The following MARCHF1 variants were observed in gnomAD, a reference collection of about 807,000 sequenced individuals.
MARCHF1 encodes the protein membrane associated ring-CH-type finger 1.
MARCHF1 carries 40 observed loss-of-function variants against 54.2 expected under a neutral mutation model. The ratio of observed to expected loss-of-function variants is 0.74; its 90% CI spans 0.57 to 0.96. MARCHF1 has a LOEUF of 0.96. MARCHF1 is among the 40% of genes least tolerant of loss of function. MARCHF1 has a pLI of 0.00. For missense variants in MARCHF1, 586 were observed against 656.5 expected, an observed-to-expected ratio of 0.89 and a Z score of 1.17; for synonymous variants, 236 against 236.3, an observed-to-expected ratio of 1.00 and a Z score of 0.01.
chr4:164,106,725 C>G (rs1242574684), intron 2 of MARCHF1, among the ~76,000 whole-genome samples: 15 of 144,384 alleles, frequency 1.0e-4, no homozygotes, highest in Admixed American at 6.3e-4. Context: ...ATGTAACTAA[C>G]CTGCACAATG....
chr4:163,998,633 T>G (rs1475615077), intron 2 of MARCHF1, among the ~76,000 whole-genome samples: 1 of 151,728 alleles, frequency 6.6e-6, no homozygotes, highest in Non-Finnish European at 1.5e-5. Context: ...GACCAACATC[T>G]CCACAACTTT....
At chr4:163,630,108 A>G (rs566267069) in intron 5 of MARCHF1, among the ~76,000 whole-genome samples, 20 of 152,334 alleles carry the variant, frequency 1.3e-4, no homozygotes, top group Non-Finnish European at 2.9e-4. Context: ...ATTATGTCAT[A>G]TGTCTACCCA....
intron 1 of MARCHF1, among the ~76,000 whole-genome samples, chr4:164,183,466 A>G (rs530432612): frequency 2.0e-5 from 3 of 152,188 alleles, no homozygotes; most frequent in Non-Finnish European, 4.4e-5. Flanking sequence ...ATCTGTTGCT[A>G]TGTAAAAGCT....
chr4:163,580,548 T>C (rs1740195887), intron 8 of MARCHF1, among the ~76,000 whole-genome samples: 1 of 152,170 alleles, frequency 6.6e-6, no homozygotes, highest in Non-Finnish European at 1.5e-5. Flanking sequence ...TAGAAAGGCT[T>C]TTAAAACATA....
chr4:164,155,406 T>A (rs1730051515), intron 1 of MARCHF1, among the ~76,000 whole-genome samples: 1 of 152,204 alleles, frequency 6.6e-6, no homozygotes, highest in African/African-American at 2.4e-5. Context: ...ATACCAGTAA[T>A]TTATTAAAAT....
chr4:164,363,269 A>C (rs1730778105), intron 1 of MARCHF1, among the ~76,000 whole-genome samples: 1 of 152,176 alleles, frequency 6.6e-6, no homozygotes, highest in African/African-American at 2.4e-5. Flanking sequence ...TTCTCTGAAG[A>C]AGTAGGAAAA....
At chr4:163,750,281 G>A (rs1366782090) in intron 4 of MARCHF1, among the ~76,000 whole-genome samples, 1 of 152,026 alleles carries the variant, frequency 6.6e-6, no homozygotes, top group East Asian at 1.9e-4. Context: ...GGAGGCCGAG[G>A]CGGGCGGATC....
chr4:164,046,783 C>A (rs566383796), intron 2 of MARCHF1, among the ~76,000 whole-genome samples: 10 of 152,086 alleles, frequency 6.6e-5, no homozygotes, highest in Admixed American at 5.9e-4. Flanking sequence ...AATATGATCA[C>A]CTAGGACAAG....
At chr4:163,792,855 A>G (rs755226737) in intron 4 of MARCHF1, among the ~76,000 whole-genome samples, 1 of 152,234 alleles carries the variant, frequency 6.6e-6, no homozygotes, top group African/African-American at 2.4e-5. Context: ...AATGTGAAGC[A>G]GGGAAAAAAC....
chr4:163,915,072 G>C (rs1751278767), intron 3 of MARCHF1, among the ~76,000 whole-genome samples: 1 of 152,100 alleles, frequency 6.6e-6, no homozygotes, highest in Non-Finnish European at 1.5e-5. Context: ...TAATGTATTT[G>C]GGGGTTTTAA....
rs577066707 is a variant in MARCHF1 at position 163,896,916 on chromosome 4, A to G, written c.-38-42747T>C. ...TTTAAAATGCATGTCCCCAAACCAC[A>G]GTATCTATATTAATTCAACTGTGGC... On this transcript the variant is annotated intron_variant, in intron 3 of 9. Transcript: ENST00000514618. 7.9e-5 allele frequency among the ~76,000 whole-genome samples: 12 copies of G among 152,266 alleles called. No individual in the cohort carries two copies. The East Asian group carries it at 2.3e-3, about 29-fold the overall frequency.
chr4:164,086,856 C>T (rs1408787157), intron 2 of MARCHF1, among the ~76,000 whole-genome samples: 1 of 151,906 alleles, frequency 6.6e-6, no homozygotes. Flanking sequence ...GAAGAAAACA[C>T]CTGTCAAGTG....
chr4:164,367,385 A>T (rs1730906418), intron 1 of MARCHF1, among the ~76,000 whole-genome samples: 1 of 152,116 alleles, frequency 6.6e-6, no homozygotes, highest in African/African-American at 2.4e-5. Context: ...TTAAATCAGA[A>T]ATGTATTTGT....
chr4:163,938,184 A>G (rs977799989), intron 3 of MARCHF1, among the ~76,000 whole-genome samples: 5 of 152,308 alleles, frequency 3.3e-5, no homozygotes, highest in East Asian at 1.9e-4. Context: ...TTAGTGTGAC[A>G]TAAGGATCTT....
chr4:164,254,529 C>T (rs1733217775), intron 1 of MARCHF1, among the ~76,000 whole-genome samples: 1 of 151,186 alleles, frequency 6.6e-6, no homozygotes, highest in Non-Finnish European at 1.5e-5. Context: ...TTAATAAACT[C>T]CCATATGTAT....
At chr4:164,109,847 C>T (rs1229935324) in intron 2 of MARCHF1, among the ~76,000 whole-genome samples, 1 of 148,424 alleles carries the variant, frequency 6.7e-6, no homozygotes, top group African/African-American at 2.5e-5. Flanking sequence ...GTACAACAAA[C>T]CCCCGGGACA....
At chr4:163,940,218 G>T (rs1022418860) in intron 3 of MARCHF1, among the ~76,000 whole-genome samples, 8 of 152,072 alleles carry the variant, frequency 5.3e-5, no homozygotes, top group Admixed American at 1.3e-4. Context: ...AATTTCTGTT[G>T]TTTAGCCACT....
intron 4 of MARCHF1, among the ~76,000 whole-genome samples, chr4:163,747,065 G>A (rs1013652504): frequency 6.6e-6 from 1 of 152,156 alleles, no homozygotes; most frequent in African/African-American, 2.4e-5. Context: ...CAATGGTACC[G>A]TCGAATAGGA....
chr4:163,609,415 T>C (rs1741249741), intron 7 of MARCHF1, among the ~76,000 whole-genome samples: 1 of 152,048 alleles, frequency 6.6e-6, no homozygotes, highest in Non-Finnish European at 1.5e-5. Flanking sequence ...AACTCTGAGA[T>C]TGTCCTCATT....
Sources: allele counts gnomAD v4.1 joint callset (sites outside exome capture counted in the v4.1 genomes callset), GRCh38; gene constraint gnomAD v4.1.1; transcripts MANE v1.5; gene names NCBI Gene and HGNC (gene_info 2026-07-23, HGNC 2026-07-21).